The following DDX31 variants were observed in gnomAD, a reference collection of about 807,000 sequenced individuals.
DDX31 encodes the protein DEAD-box helicase 31.
In DDX31, 70 loss-of-function variants were observed where a neutral mutation model predicts 91.3. The ratio of observed to expected loss-of-function variants is 0.77; its 90% CI spans 0.63 to 0.94. The LOEUF (loss-of-function observed/expected upper bound fraction) is 0.94, where lower values mean the gene tolerates loss of function less well. Among genes scored for constraint, DDX31 ranks in the 40% least tolerant of loss-of-function variants. The probability of loss-of-function intolerance (pLI) is 0.00; values close to 1 mark genes in which losing one functional copy is unlikely to be tolerated. For missense variants in DDX31, 902 were observed against 925.0 expected (o/e 0.98, Z 0.32); for synonymous variants, 362 against 350.6 (o/e 1.03, Z -0.36).
In DDX31 at chr9:132,669,780, C is replaced by T. The variant is rs1027870286; in HGVS notation, c.75+80G>A. ...TCCGTGAATGACTCGAAACCCGACT[C>T]CAAGGCACGGCTGCAGCTCGCGGCG... On this transcript the variant is annotated intron_variant, in intron 1 of 19. Transcript: ENST00000372159. 2.6e-6 allele frequency: 4 copies of T among 1,519,816 alleles called. No individual in the cohort carries two copies. In the African/African-American group the frequency reaches 5.5e-5, roughly 21 times the overall value. 94.1% of individuals were successfully genotyped at this position (1,519,816 alleles called of 1,614,324 possible).
intron 1 of DDX31, among the ~76,000 whole-genome samples, chr9:132,667,352 G>A (rs1299511972): frequency 6.6e-6 from 1 of 151,928 alleles, no homozygotes; most frequent in Non-Finnish European, 1.5e-5. Flanking sequence ...TGTAATCCCA[G>A]CACTGTGGGA....
chr9:132,640,124 C>T (rs758778211), intron 14 of DDX31, among the ~76,000 whole-genome samples: 3 of 152,178 alleles, frequency 2.0e-5, no homozygotes, highest in African/African-American at 4.8e-5. Context: ...CTTCATGATG[C>T]TTACGACCGG....
chr9:132,608,530 A>G (rs1336752278), intron 19 of DDX31, among the ~76,000 whole-genome samples: 1 of 152,128 alleles, frequency 6.6e-6, no homozygotes, highest in Non-Finnish European at 1.5e-5. Context: ...TCCCCATTCT[A>G]ATACCCGCCT....
intron 14 of DDX31, among the ~76,000 whole-genome samples, chr9:132,633,097 A>G (rs1832896733): frequency 6.6e-6 from 1 of 152,200 alleles, no homozygotes; most frequent in Admixed American, 6.5e-5. Context: ...TATTACCCCC[A>G]TCTGACAGAT....
At chr9:132,655,587 G>C (rs1477255563) in intron 6 of DDX31, among the ~76,000 whole-genome samples, 1 of 152,154 alleles carries the variant, frequency 6.6e-6, no homozygotes, top group East Asian at 1.9e-4. Flanking sequence ...AGTGGGAATA[G>C]ATGACTTTAC....
intron 19 of DDX31, among the ~76,000 whole-genome samples, chr9:132,611,362 C>T (rs933255427): frequency 6.6e-6 from 1 of 152,138 alleles, no homozygotes; most frequent in East Asian, 1.9e-4. Flanking sequence ...CAGGGCCTCA[C>T]GCGCTCTGGC....
chr9:132,669,437 C>A (rs552411384), intron 1 of DDX31: 16 of 478,846 alleles, frequency 3.3e-5, no homozygotes, highest in South Asian at 2.2e-4. Flanking sequence ...GTTTGTAGGG[C>A]ATGACTCTTC....
rs551653170 is a variant in DDX31, at chr9:132,620,839, C to T, written c.1714-2398G>A. 2.2e-5 allele frequency among the ~76,000 whole-genome samples: 3 copies of T among 135,748 alleles called. No homozygotes were observed. In the South Asian group the frequency reaches 7.6e-4, roughly 34 times the overall value. 89.1% of individuals were successfully genotyped at this position (135,748 alleles called of 152,430 possible). A position where few individuals can be genotyped will look rare whatever the true frequency, so the allele number is the denominator to read the frequency against. ...ATACCTGGCAGGGCTGGCTCTCCCACCCTCCAAGACACAGAGTCAGTACTG... is the reference window on the plus strand; with the variant it reads ...ATACCTGGCAGGGCTGGCTCTCCCATCCTCCAAGACACAGAGTCAGTACTG... On this transcript the variant is annotated intron_variant, in intron 17 of 19. Transcript: ENST00000372159.
At chr9:132,626,299 T>C (rs144969548) in intron 16 of DDX31, among the ~76,000 whole-genome samples, 1 of 152,220 alleles carries the variant, frequency 6.6e-6, no homozygotes, top group Non-Finnish European at 1.5e-5. Context: ...TAATTACTGA[T>C]GGGTGAAGAC....
intron 4 of DDX31, among the ~76,000 whole-genome samples, chr9:132,660,107 G>A (rs1408252399): frequency 6.6e-6 from 1 of 152,078 alleles, no homozygotes; most frequent in Non-Finnish European, 1.5e-5. Flanking sequence ...AAGCTGAGGT[G>A]GGTGGATCAC....
At chr9:132,644,531 C>A (rs184107429) in intron 13 of DDX31, among the ~76,000 whole-genome samples, 10 of 152,314 alleles carry the variant, frequency 6.6e-5, no homozygotes, top group Admixed American at 5.2e-4. Context: ...CCAGAGGGCA[C>A]AGCTATAAAC....
intron 1 of DDX31, among the ~76,000 whole-genome samples, chr9:132,667,941 T>C (rs953543525): frequency 2.0e-5 from 3 of 152,218 alleles, no homozygotes; most frequent in African/African-American, 7.2e-5. Flanking sequence ...GTAGAAATTA[T>C]TGTTCTCATT....
intron 14 of DDX31, among the ~76,000 whole-genome samples, chr9:132,639,933 C>T (rs1833379862): frequency 6.6e-6 from 1 of 152,190 alleles, no homozygotes; most frequent in Non-Finnish European, 1.5e-5. Context: ...AAAACTTATT[C>T]CCAGTGAGCA....
Position 132,638,040 on chromosome 9 carries a change from A to C in DDX31, c.1440+3964T>G, listed in dbSNP as rs564167476. On this transcript the variant is annotated intron_variant, in intron 14 of 19. Transcript: ENST00000372159. The stretch of plus-strand genomic sequence containing the variant: ...GCGGAAAAAAATACGGAGAAGGTGG[A>C]GGAAAGCAGCACAGGTGATTTAGGT... The C allele has an allele frequency of 1.1e-4, 133 of 1,185,642 alleles. 2 individuals are homozygous for C. In the South Asian group the frequency reaches 1.3e-3, roughly 12 times the overall value. The allele number at this position is 1,185,642 out of a possible 1,614,324, so 73.4% of individuals were successfully genotyped here.
At chr9:132,666,700 T>C (rs368598015) in intron 1 of DDX31, among the ~76,000 whole-genome samples, 76 of 150,470 alleles carry the variant, frequency 5.1e-4, no homozygotes, top group African/African-American at 1.7e-3. Context: ...TTTGTGTTTG[T>C]TTTTTGTTTT....
intron 14 of DDX31, chr9:132,637,957 G>C (rs1272311624): frequency 1.7e-5 from 17 of 1,010,994 alleles, no homozygotes; most frequent in Non-Finnish European, 2.0e-5. Flanking sequence ...TGGCACGGTG[G>C]AAATTCCCCA....
chr9:132,657,351 TATC>T (rs1834632269), intron 6 of DDX31, among the ~76,000 whole-genome samples: 1 of 152,202 alleles, frequency 6.6e-6, no homozygotes, highest in Non-Finnish European at 1.5e-5. Context: ...CCATATGTAT[TATC>T]AACACTTTCA....
chr9:132,638,953 GA>G (rs774158606), intron 14 of DDX31, among the ~76,000 whole-genome samples: 1 of 152,120 alleles, frequency 6.6e-6, no homozygotes, highest in Non-Finnish European at 1.5e-5. Context: ...ATAAAGGGGG[GA>G]AAATCCCCAT....
At chr9:132,668,911 T>C (rs1835507516) in intron 1 of DDX31, among the ~76,000 whole-genome samples, 1 of 152,188 alleles carries the variant, frequency 6.6e-6, no homozygotes, top group Admixed American at 6.5e-5. Context: ...AGACATCAAA[T>C]ACATTTCAGA....
Sources: gnomAD v4.1 joint callset for allele counts (sites outside exome capture counted in the v4.1 genomes callset) on GRCh38, gnomAD v4.1.1 for gene constraint, MANE v1.5 for transcripts, NCBI Gene and HGNC (gene_info 2026-07-23, HGNC 2026-07-21) for gene names.